Variants in LRTM3 observed in about 807,000 individuals in gnomAD.
LRTM3 encodes leucine-rich repeat transmembrane protein 3.
the LRTM3 span, among the ~76,000 whole-genome samples, chr13:102,752,592 G>A: frequency 4.6e-5 from 7 of 152,046 alleles, no homozygotes; most frequent in East Asian, 1.9e-4. Flanking sequence ...TTTTTTCATC[G>A]ATAACACAAA....
chr13:102,734,468 C>A, the LRTM3 span: 3 of 1,551,186 alleles, frequency 1.9e-6, no homozygotes. Flanking sequence ...ATGTTCCTTT[C>A]GTCCTTGCCC....
the LRTM3 span, chr13:102,732,638 A>C: frequency 6.4e-7 from 1 of 1,551,136 alleles, no homozygotes; most frequent in Non-Finnish European, 8.7e-7. Context: ...TTGAGTCTTC[A>C]TTTGAGATTC....
the LRTM3 span, chr13:102,734,494 C>A: frequency 1.3e-6 from 2 of 1,551,358 alleles, no homozygotes; most frequent in East Asian, 2.4e-5. Context: ...TGTTCACATG[C>A]AGTTCTGTTC....
the LRTM3 span, chr13:102,734,669 G>A: frequency 6.4e-7 from 1 of 1,551,024 alleles, no homozygotes; most frequent in Non-Finnish European, 8.7e-7. Flanking sequence ...TCTATGTACA[G>A]TCTCCCCTAT....
the LRTM3 span, chr13:102,742,577 A>G: frequency 1.3e-6 from 2 of 1,550,586 alleles, no homozygotes; most frequent in Non-Finnish European, 8.7e-7. Context: ...TTCTTGATCT[A>G]TTAAATCAAC....
At chr13:102,744,002 C>T in the LRTM3 span, 3 of 1,550,174 alleles carry the variant, frequency 1.9e-6, no homozygotes, top group Middle Eastern at 1.7e-4. Context: ...AGATAGAATG[C>T]ACCTCGCTGC....
At chr13:102,731,052 G>A in the LRTM3 span, 14 of 1,551,312 alleles carry the variant, frequency 9.0e-6, no homozygotes, top group African/African-American at 1.4e-5. Flanking sequence ...TGCATGAGGA[G>A]TTTGCCTTTT....
chr13:102,734,476 C>T, the LRTM3 span: 1 of 1,551,322 alleles, frequency 6.4e-7, no homozygotes, highest in Non-Finnish European at 8.7e-7. Context: ...TTCGTCCTTG[C>T]CCTCCAATGT....
the LRTM3 span, chr13:102,744,767 A>C: frequency 6.4e-7 from 1 of 1,550,404 alleles, no homozygotes. Flanking sequence ...ATTCATGTTC[A>C]TTGCATTACT....
At chr13:102,741,260 C>T in the LRTM3 span, 2 of 1,550,250 alleles carry the variant, frequency 1.3e-6, no homozygotes, top group Non-Finnish European at 8.7e-7. Flanking sequence ...TTCATTGAAA[C>T]TTTCAGAGAT....
At chr13:102,737,679 C>T in the LRTM3 span, 3 of 1,550,446 alleles carry the variant, frequency 1.9e-6, no homozygotes, top group East Asian at 7.4e-5. Context: ...ACTTCATCCT[C>T]TTCTTTCTGT....
the LRTM3 span, chr13:102,733,397 G>T: frequency 6.4e-7 from 1 of 1,551,268 alleles, no homozygotes; most frequent in East Asian, 2.4e-5. Flanking sequence ...TACTTTCGAT[G>T]AAGTTTCTTG....
the LRTM3 span, chr13:102,740,621 G>T: frequency 1.2e-5 from 18 of 1,548,512 alleles, no homozygotes; most frequent in Non-Finnish European, 1.4e-5. Context: ...TGTCTGTGAA[G>T]TTAAATAGTC....
At chr13:102,733,766 C>G in the LRTM3 span, 1,543,749 of 1,551,336 alleles carry the variant, frequency 1, 768,404 homozygotes, top group East Asian at 1. Flanking sequence ...TTCTTCTGAC[C>G]TGACTCGTGA....
chr13:102,731,348 G>A, the LRTM3 span: 1 of 1,551,134 alleles, frequency 6.4e-7, no homozygotes, highest in South Asian at 1.2e-5. Flanking sequence ...TTTTGAAATA[G>A]TCCCTTTTGG....
chr13:102,740,687 T>C, the LRTM3 span: 1 of 1,548,084 alleles, frequency 6.5e-7, no homozygotes, highest in Admixed American at 2.0e-5. Flanking sequence ...TGCATTGAAC[T>C]GAAATAGATC....
the LRTM3 span, chr13:102,737,948 C>G: frequency 1.9e-6 from 3 of 1,551,026 alleles, no homozygotes; most frequent in South Asian, 2.4e-5. Flanking sequence ...TTGCTCTATG[C>G]CTACTCCATC....
At chr13:102,742,239 C>G in the LRTM3 span, 5 of 1,550,432 alleles carry the variant, frequency 3.2e-6, no homozygotes, top group Non-Finnish European at 4.4e-6. Flanking sequence ...CTTGCAGTAC[C>G]ATACTCAAGC....
chr13:102,742,984 T>G, the LRTM3 span: 1 of 1,540,362 alleles, frequency 6.5e-7, no homozygotes, highest in Middle Eastern at 1.7e-4. Context: ...TTTTTTCTAT[T>G]TTTACATTTT....
Sources: allele counts gnomAD v4.1 joint callset (sites outside exome capture counted in the v4.1 genomes callset), GRCh38; gene constraint gnomAD v4.1.1; transcripts MANE v1.5; gene names NCBI Gene and HGNC (gene_info 2026-07-23, HGNC 2026-07-21).